The following CNTD1 variants were observed in gnomAD, a reference collection of about 807,000 sequenced individuals.
CNTD1 encodes cyclin N-terminal domain-containing protein 1.
A neutral mutation model predicts 36.3 loss-of-function variants in CNTD1; 17 were observed. The observed-to-expected ratio is 0.47, with a 90% CI of 0.32 to 0.70. CNTD1 has a LOEUF of 0.70. Ranked by LOEUF, CNTD1 falls within the 30% of genes least tolerant of loss-of-function variation. The pLI is 0.03. For synonymous variants in CNTD1, 128 were observed against 153.3 expected, an observed-to-expected ratio of 0.83 and a Z score of 1.22; for missense variants, 338 against 386.1, an observed-to-expected ratio of 0.88 and a Z score of 1.04.
rs530851713 is a variant in CNTD1, at chr17:42,807,659, A to G, written c.726-109A>G. 68 of 796,802 alleles carry G rather than the reference A, an allele frequency of 8.5e-5. No homozygotes were observed. In the African/African-American group the frequency reaches 1.1e-3, roughly 13 times the overall value. 49.4% of individuals were successfully genotyped at this position (796,802 alleles called of 1,614,324 possible). ...GACCATTTCCTTCCATGTCTAAAAA[A>G]TCCAAGATGATCGACACAAATAATT... On this transcript the variant is annotated intron_variant, in intron 5 of 6. Transcript: ENST00000588408.
rs528718045 is a variant in CNTD1, at chr17:42,811,305, T to C, written c.*1770T>C. 9.6e-5 allele frequency: 27 copies of C among 280,182 alleles called. No homozygotes were observed. The South Asian group carries it at 1.3e-3, about 13-fold the overall frequency. The allele number at this position is 280,182 out of a possible 1,614,324, so 17.4% of individuals were successfully genotyped here. On this transcript the variant is annotated 3_prime_UTR_variant, in exon 7 of 7. Transcript: ENST00000588408. The stretch of plus-strand genomic sequence containing the variant: ...AAGCAGCCTTACTCTAAGTAAAAAC[T>C]AGAGTTTCCATCCATCAATGGGATC...
At chr17:42,799,364 C>CT in intron 1 of CNTD1, 128 bp downstream of exon 1, 1 of 1,084,180 alleles carries the variant, frequency 9.2e-7, no homozygotes, top group Non-Finnish European at 1.3e-6. Context: ...CTGTGGGGTG[C>CT]TGGGGATATA....
rs1365724311 is a variant in CNTD1, at chr17:42,809,490, C to T, written c.948C>T (p.His316=). 1 of 1,614,086 alleles carries T rather than the reference C, an allele frequency of 6.2e-7. No homozygotes were observed. Among genetic ancestry groups the T allele is most frequent in the African/African-American group, 1.3e-5 (1 of 74,938 alleles). Residue 316 remains histidine, a synonymous_variant, in exon 7 of 7, where the codon CAC becomes CAT. Transcript: ENST00000588408. ...GGAGACAGCAGTCTATTCCTCCCCA[C>T]CTGGCAGCCAGAGCTCTGAAGACTG... ...TPGRQQSIPP[H]LAARALKTVA... is the part of the protein sequence containing the mutation.
rs1003972017 is a variant in CNTD1 at position 42,811,044 on chromosome 17, T to G, written c.*1509T>G. The stretch of plus-strand genomic sequence containing the variant: ...ATTTTATCTATTAAAGAACACTTGG[T>G]GAGGAATGATAGTGTATTTTGGATT... On this transcript the variant is annotated 3_prime_UTR_variant, in exon 7 of 7. Coordinates refer to ENST00000588408, the MANE Select transcript of CNTD1 (RefSeq NM_173478.3). 9.1e-7 allele frequency: 1 copy of G among 1,102,672 alleles called. No individual in the cohort carries two copies. The highest frequency in any genetic ancestry group is 1.6e-5 in the African/African-American group (1 of 63,280). The allele number at this position is 1,102,672 out of a possible 1,614,324, so 68.3% of individuals were successfully genotyped here.
chr17:42,804,833 T>C (rs1269711335), intron 3 of CNTD1, among the ~76,000 whole-genome samples: 1 of 151,838 alleles, frequency 6.6e-6, no homozygotes, highest in Non-Finnish European at 1.5e-5. Flanking sequence ...AAAAACAAGG[T>C]AGCTGTAAGA....
Position 42,809,379 on chromosome 17 carries a change from G to A in CNTD1, c.837G>A (p.Leu279=). 3 of 1,611,974 alleles carry A rather than the reference G, an allele frequency of 1.9e-6. No homozygotes were observed. Among genetic ancestry groups the A allele is most frequent in the Non-Finnish European group, 2.5e-6 (3 of 1,178,742 alleles). ...TATTTCTGAAGGTTGTGGGGCATTT[G>A]CAGAGCATCACTGGTATTGCCTTGG... is the stretch of plus-strand genomic sequence containing the variant. ...HECWSQVVGH[L]QSITGIALAS... The change falls in exon 7 of 7, where the codon TTG becomes TTA. Residue 279 remains leucine (L), a synonymous_variant. Coordinates refer to ENST00000588408, the MANE Select transcript of CNTD1 (RefSeq NM_173478.3).
In CNTD1 at chr17:42,806,743, A is replaced by G; in HGVS notation, c.650A>G (p.Tyr217Cys). 1 of 1,614,146 alleles carries G rather than the reference A, an allele frequency of 6.2e-7. No homozygotes were observed. Among genetic ancestry groups the G allele is most frequent in the Non-Finnish European group, 8.5e-7 (1 of 1,180,014 alleles). ...TGCCTGACACTGCTCGACCTGGTCT[A>G]TCTTCTGCATGAACCCATATATGAG... ...ATCLTLLDLV[Y>C]LLHEPIYESL... The change falls in exon 5 of 7, where the codon TAT becomes TGT. Residue 217 changes from tyrosine to cysteine, a missense_variant. Transcript: ENST00000588408.
chr17:42,799,958 G>A (rs1306652372), intron 1 of CNTD1, among the ~76,000 whole-genome samples: 2 of 150,792 alleles, frequency 1.3e-5, no homozygotes, highest in Non-Finnish European at 3.0e-5. Context: ...CAGCTACTCC[G>A]GAGGCTGAGG....
Position 42,810,937 on chromosome 17 carries a change from G to T in CNTD1, c.*1402G>T, listed in dbSNP as rs1176443440. 3 of 1,596,844 alleles carry T rather than the reference G, an allele frequency of 1.9e-6. No homozygotes were observed. The South Asian group carries it at 3.4e-5, about 18-fold the overall frequency. On this transcript the variant is annotated 3_prime_UTR_variant, in exon 7 of 7. Transcript: ENST00000588408. The stretch of plus-strand genomic sequence containing the variant: ...CTTTCTCCACATCCATCCTGCAGAT[G>T]GACAGAGCAAAACTCATTAGTAACT...
In CNTD1 at chr17:42,803,671, A is replaced by G. The variant is rs747815286; in HGVS notation, c.221A>G (p.Tyr74Cys). The G allele has an allele frequency of 6.2e-7, 1 of 1,614,100 alleles. No homozygotes were observed. The highest frequency in any genetic ancestry group is 2.2e-5 in the East Asian group (1 of 44,884). ...EQWCLEKSVS[Y>C]QAVEILERFM... ...TGGTGTCTGGAGAAATCTGTGAGCT[A>G]CCAGGCTGTAGAAATCCTAGAAAGG... Residue 74 changes from tyrosine (Y) to cysteine (C), a missense_variant, in exon 2 of 7, where the codon TAC becomes TGC. By Grantham distance (194) the Tyr-to-Cys change is radical. Transcript: ENST00000588408.
At chr17:42,804,123 G>T (rs1264623797) in intron 2 of CNTD1, 102 bp from the exon 3 acceptor site, 2 of 1,113,596 alleles carry the variant, frequency 1.8e-6, no homozygotes, top group Non-Finnish European at 2.5e-6. Flanking sequence ...ACAGGTGTGA[G>T]CCACCATGCT....
chr17:42,811,464 C>T lies in CNTD1; in HGVS notation c.*1929C>T. 2 of 586,598 alleles carry T rather than the reference C, an allele frequency of 3.4e-6. No individual in the cohort carries two copies. Among genetic ancestry groups the T allele is most frequent in the East Asian group, 6.4e-5 (2 of 31,332 alleles). The allele number at this position is 586,598 out of a possible 1,614,324, so 36.3% of individuals were successfully genotyped here. On this transcript the variant is annotated 3_prime_UTR_variant, in exon 7 of 7. Transcript: ENST00000588408. ...CCATCTAAGGCAACATTCTTCTACT[C>T]CAAGGACTAGGTGGTCACATTCTGT...
chr17:42,799,104 G>A lies in CNTD1; in HGVS notation c.37G>A (p.Val13Ile), dbSNP rs1339765228. ...GPMRPRSASL[V>I]DFQFGVVATE... Reference sequence around the variant, plus strand: ...CATGAGGCCACGATCGGCCTCCCTCGTTGACTTTCAGTTTGGAGTTGTCGC... The same window carrying A: ...CATGAGGCCACGATCGGCCTCCCTCATTGACTTTCAGTTTGGAGTTGTCGC... Residue 13 changes from valine (V) to isoleucine (I), a missense_variant, in exon 1 of 7, where the codon GTT becomes ATT. Physicochemically the swap from Val to Ile is conservative, Grantham distance 29. Coordinates refer to ENST00000588408, the MANE Select transcript of CNTD1 (RefSeq NM_173478.3). 2.5e-6 allele frequency: 4 copies of A among 1,614,076 alleles called. No homozygotes were observed. Among genetic ancestry groups the A allele is most frequent in the Non-Finnish European group, 3.4e-6 (4 of 1,180,012 alleles).
chr17:42,801,533 AT>A (rs1278443600), intron 1 of CNTD1, among the ~76,000 whole-genome samples: 139 of 81,420 alleles, frequency 1.7e-3, no homozygotes, highest in African/African-American at 6.3e-3. Flanking sequence ...ATATATATAT[AT>A]ATATATATAT....
In CNTD1 at chr17:42,811,284, A is replaced by C. The variant is rs546368381; in HGVS notation, c.*1749A>C. The C allele has an allele frequency of 3.6e-6, 1 of 276,488 alleles. No individual in the cohort carries two copies. The highest frequency in any genetic ancestry group is 6.6e-5 in the East Asian group (1 of 15,154). 17.1% of individuals were successfully genotyped at this position (276,488 alleles called of 1,614,324 possible). On this transcript the variant is annotated 3_prime_UTR_variant, in exon 7 of 7. Coordinates refer to ENST00000588408, the MANE Select transcript of CNTD1 (RefSeq NM_173478.3). ...TGCTTTGTTTTGGGGTGATAGAAGCAGCCTTACTCTAAGTAAAAACTAGAG... is the reference window on the plus strand; with the variant it reads ...TGCTTTGTTTTGGGGTGATAGAAGCCGCCTTACTCTAAGTAAAAACTAGAG...
intron 1 of CNTD1, among the ~76,000 whole-genome samples, chr17:42,800,772 A>C (rs559130992): frequency 1.4e-4 from 21 of 152,262 alleles, no homozygotes; most frequent in Non-Finnish European, 2.8e-4. Flanking sequence ...TGGATTAAAA[A>C]CATTCTAGAG....
At chr17:42,800,364 C>T (rs1354656751) in intron 1 of CNTD1, among the ~76,000 whole-genome samples, 1 of 151,960 alleles carries the variant, frequency 6.6e-6, no homozygotes, top group Non-Finnish European at 1.5e-5. Context: ...GTGTTTCTAC[C>T]AAAAAGAGGT....
In CNTD1 at chr17:42,811,003, T is replaced by C; in HGVS notation, c.*1468T>C. ...TAAGTTCGGGGCAGGGACTTGATCATGGGACCATTCACGTCATTTTATCTA... is the reference window on the plus strand; with the variant it reads ...TAAGTTCGGGGCAGGGACTTGATCACGGGACCATTCACGTCATTTTATCTA... On this transcript the variant is annotated 3_prime_UTR_variant, in exon 7 of 7. Transcript: ENST00000588408. The C allele has an allele frequency of 7.8e-6, 11 of 1,401,376 alleles. No homozygotes were observed. The highest frequency in any genetic ancestry group is 2.9e-5 in the South Asian group (2 of 67,816). The allele number at this position is 1,401,376 out of a possible 1,614,324, so 86.8% of individuals were successfully genotyped here. A position where few individuals can be genotyped will look rare whatever the true frequency, so the allele number is the denominator to read the frequency against.
Position 42,809,664 on chromosome 17 carries a change from T to C in CNTD1, c.*129T>C, listed in dbSNP as rs900344100. 2 of 803,176 alleles carry C rather than the reference T, an allele frequency of 2.5e-6. No homozygotes were observed. The highest frequency in any genetic ancestry group is 3.8e-6 in the Non-Finnish European group (2 of 521,348). 49.8% of individuals were successfully genotyped at this position (803,176 alleles called of 1,614,324 possible). On this transcript the variant is annotated 3_prime_UTR_variant, in exon 7 of 7. Coordinates refer to ENST00000588408, the MANE Select transcript of CNTD1 (RefSeq NM_173478.3). ...AACTGTATTTTGTATGCCAATTTCA[T>C]GCTTATTTTTCCTTTATCAGAGAGA...
Sources: allele counts gnomAD v4.1 joint callset (sites outside exome capture counted in the v4.1 genomes callset), GRCh38; gene constraint gnomAD v4.1.1; transcripts MANE v1.5; gene names NCBI Gene and HGNC (gene_info 2026-07-23, HGNC 2026-07-21).